ARB2A: variants seen among roughly 807,000 people sequenced by gnomAD.
ARB2A encodes ARB2 cotranscriptional regulator A.
the ARB2A span, among the ~76,000 whole-genome samples, chr5:93,953,725 G>A: frequency 2.0e-5 from 3 of 152,080 alleles, no homozygotes; most frequent in South Asian, 6.2e-4. Context: ...AGAACAGTGA[G>A]TTCCCCTCAG....
the ARB2A span, among the ~76,000 whole-genome samples, chr5:93,971,034 A>C: frequency 6.6e-6 from 1 of 151,964 alleles, no homozygotes; most frequent in Admixed American, 6.6e-5. Flanking sequence ...AGTCTTGCAC[A>C]GTTGCCCAGG....
chr5:93,828,077 CT>C, the ARB2A span, among the ~76,000 whole-genome samples: 4 of 152,058 alleles, frequency 2.6e-5, no homozygotes, highest in South Asian at 8.3e-4. Flanking sequence ...GATGTGGGCT[CT>C]TTTTTGGTTC....
the ARB2A span, among the ~76,000 whole-genome samples, chr5:94,012,664 A>G: frequency 2.0e-5 from 3 of 150,284 alleles, no homozygotes; most frequent in Non-Finnish European, 4.5e-5. Context: ...AGCCAAAGCC[A>G]GTCTAACCTG....
At chr5:94,092,864 C>T in the ARB2A span, among the ~76,000 whole-genome samples, 1 of 152,078 alleles carries the variant, frequency 6.6e-6, no homozygotes, top group Non-Finnish European at 1.5e-5. Context: ...CCTACAAATA[C>T]CTCAATGTAG....
the ARB2A span, among the ~76,000 whole-genome samples, chr5:93,944,781 G>A: frequency 3.0e-3 from 451 of 152,232 alleles, 4 homozygotes; most frequent in African/African-American, 0.01. Context: ...AAGAGAAAAT[G>A]GAGGATACAG....
the ARB2A span, among the ~76,000 whole-genome samples, chr5:93,836,767 T>G: frequency 4.6e-5 from 7 of 152,170 alleles, no homozygotes; most frequent in Non-Finnish European, 5.9e-5. Flanking sequence ...TATTCAAAAT[T>G]GAAGGACATT....
At chr5:93,629,348 G>A in the ARB2A span, among the ~76,000 whole-genome samples, 2 of 151,690 alleles carry the variant, frequency 1.3e-5, no homozygotes, top group African/African-American at 4.8e-5. Flanking sequence ...GTCTGAAATA[G>A]TGCAAGAATT....
At chr5:94,050,959 A>AT in the ARB2A span, 5 of 666,810 alleles carry the variant, frequency 7.5e-6, no homozygotes, top group African/African-American at 3.7e-5. Flanking sequence ...TTTTCATTAG[A>AT]TTTTTTTCTT....
the ARB2A span, among the ~76,000 whole-genome samples, chr5:93,886,025 C>T: frequency 2.6e-5 from 4 of 151,572 alleles, no homozygotes; most frequent in Middle Eastern, 3.2e-3. Flanking sequence ...TATATCAGTA[C>T]AAAAACGCAC....
At chr5:93,911,659 CACAA>C in the ARB2A span, among the ~76,000 whole-genome samples, 1 of 151,442 alleles carries the variant, frequency 6.6e-6, no homozygotes, top group Admixed American at 6.6e-5. Context: ...CACACATACA[CACAA>C]ACACATTTCA....
chr5:93,752,563 A>AT, the ARB2A span, among the ~76,000 whole-genome samples: 10 of 151,916 alleles, frequency 6.6e-5, 1 homozygote, highest in South Asian at 2.1e-4. Flanking sequence ...GCTATTTTTA[A>AT]TTTTTTTTAA....
chr5:93,959,038 A>G, the ARB2A span: 3 of 1,008,720 alleles, frequency 3.0e-6, no homozygotes, highest in Non-Finnish European at 4.1e-6. Flanking sequence ...TGAAAAAACA[A>G]CTAATGGCTG....
the ARB2A span, among the ~76,000 whole-genome samples, chr5:93,970,601 CA>C: frequency 6.6e-6 from 1 of 150,978 alleles, no homozygotes; most frequent in African/African-American, 2.4e-5. Flanking sequence ...TCCCCACAAC[CA>C]AAAAAAAGAA....
At chr5:93,619,349 CATCTT>C in the ARB2A span, 1 of 152,282 alleles carries the variant, frequency 6.6e-6, no homozygotes, top group Admixed American at 6.5e-5. Context: ...ACTGAAAAAA[CATCTT>C]TAATTTGTCA....
At chr5:93,961,236 A>AAG in the ARB2A span, among the ~76,000 whole-genome samples, 2 of 152,084 alleles carry the variant, frequency 1.3e-5, no homozygotes, top group Non-Finnish European at 2.9e-5. Flanking sequence ...ATGGATATCT[A>AAG]TTCACCTTCA....
chr5:93,944,036 T>C, the ARB2A span, among the ~76,000 whole-genome samples: 6 of 152,178 alleles, frequency 3.9e-5, no homozygotes, highest in Non-Finnish European at 7.4e-5. Flanking sequence ...TTTAGTTTCA[T>C]TATAATTTAA....
the ARB2A span, among the ~76,000 whole-genome samples, chr5:94,107,530 TAA>T: frequency 3.8e-4 from 49 of 130,538 alleles, no homozygotes; most frequent in Admixed American, 6.2e-4. Context: ...ATTCAATAGT[TAA>T]AAAAAAAAAA....
At chr5:93,683,661 G>C in the ARB2A span, 1 of 1,602,716 alleles carries the variant, frequency 6.2e-7, no homozygotes, top group Non-Finnish European at 8.5e-7. Flanking sequence ...GTTCACAACC[G>C]AAAAGATAGT....
chr5:94,044,713 T>C, the ARB2A span, among the ~76,000 whole-genome samples: 2 of 151,976 alleles, frequency 1.3e-5, no homozygotes, highest in Non-Finnish European at 2.9e-5. Flanking sequence ...CGGCACAAGA[T>C]ACAGGTCATA....
Sources: allele counts gnomAD v4.1 joint callset (sites outside exome capture counted in the v4.1 genomes callset), GRCh38; gene constraint gnomAD v4.1.1; transcripts MANE v1.5; gene names NCBI Gene and HGNC (gene_info 2026-07-23, HGNC 2026-07-21).